Variants in TRIM59 observed in about 807,000 individuals in gnomAD.
TRIM59 encodes the protein tripartite motif-containing protein 59.
TRIM59 carries 14 observed loss-of-function variants against 32.2 expected under a neutral mutation model. The observed-to-expected ratio is 0.43, with a 90% CI of 0.29 to 0.68. TRIM59 has a LOEUF of 0.68. TRIM59 is among the 30% of genes least tolerant of loss of function. The pLI, the probability that TRIM59 is intolerant of heterozygous loss-of-function variation, is 0.15. For missense variants in TRIM59, 471 were observed against 463.3 expected (o/e 1.02, Z -0.15); for synonymous variants, 163 against 155.1 (o/e 1.05, Z -0.38).
At chr3:160,447,175 G>T (rs960538600) in intron 2 of TRIM59, among the ~76,000 whole-genome samples, 1 of 151,674 alleles carries the variant, frequency 6.6e-6, no homozygotes, top group Non-Finnish European at 1.5e-5. Context: ...ATTTTCAAGC[G>T]TCTTGCCTAT....
Position 160,436,224 on chromosome 3 carries a change from TC to T in TRIM59, c.*1747del. On this transcript the variant is annotated 3_prime_UTR_variant, in exon 3 of 3. Coordinates refer to ENST00000309784, the MANE Select transcript of TRIM59 (RefSeq NM_173084.3). The stretch of plus-strand genomic sequence containing the variant: ...AGCAGGTAAGAGTTTTAGAACTAGT[TC>T]CCTGAAAAAGCTGTATTTATGATAG... The T allele has an allele frequency of 1.0e-6, 1 of 994,848 alleles. No individual in the cohort carries two copies. The allele number at this position is 994,848 out of a possible 1,614,324, so 61.6% of individuals were successfully genotyped here. A position where few individuals can be genotyped will look rare whatever the true frequency, so the allele number is the denominator to read the frequency against.
In TRIM59 at chr3:160,436,501, A is replaced by G; in HGVS notation, c.*1471T>C. On this transcript the variant is annotated 3_prime_UTR_variant, in exon 3 of 3. Transcript: ENST00000309784. Reference sequence around the variant, plus strand: ...TTGGCCCTCTTAAGCAAAGCTAATAAAAGATTAAGTTGTTGGGCCGGGCGT... The same window carrying G: ...TTGGCCCTCTTAAGCAAAGCTAATAGAAGATTAAGTTGTTGGGCCGGGCGT... 1.0e-6 allele frequency: 1 copy of G among 985,802 alleles called. No homozygotes were observed. The highest frequency in any genetic ancestry group is 1.2e-6 in the Non-Finnish European group (1 of 829,970). 61.1% of individuals were successfully genotyped at this position (985,802 alleles called of 1,614,324 possible). A position where few individuals can be genotyped will look rare whatever the true frequency, so the allele number is the denominator to read the frequency against.
chr3:160,443,181 A>G (rs529136252), intron 2 of TRIM59, among the ~76,000 whole-genome samples: 18 of 152,348 alleles, frequency 1.2e-4, no homozygotes, highest in Non-Finnish European at 2.6e-4. Flanking sequence ...TCAGAAACCA[A>G]TATGAAATTT....
intron 2 of TRIM59, 119 bp downstream of exon 2, chr3:160,448,607 T>C (rs1719658199): frequency 1.9e-6 from 1 of 527,130 alleles, no homozygotes; most frequent in African/African-American, 2.0e-5. Context: ...TGGAGTTTTA[T>C]ACACCGCCAA....
chr3:160,435,762 AT>A lies in TRIM59; in HGVS notation c.*2209del. On this transcript the variant is annotated 3_prime_UTR_variant, in exon 3 of 3. Coordinates refer to ENST00000309784, the MANE Select transcript of TRIM59 (RefSeq NM_173084.3). ...ACTTACGTTTTTAGCATTCTTACAG[AT>A]TACAAACCCTTACCAACATTAATCT... 5.3e-6 allele frequency: 2 copies of A among 379,686 alleles called. No homozygotes were observed. The highest frequency in any genetic ancestry group is 1.0e-5 in the Non-Finnish European group (2 of 194,906). 23.5% of individuals were successfully genotyped at this position (379,686 alleles called of 1,614,324 possible).
At position 160,437,312 on chromosome 3, in the gene TRIM59, CA is replaced by C; in HGVS notation, c.*659del. On this transcript the variant is annotated 3_prime_UTR_variant, in exon 3 of 3. Transcript: ENST00000309784. ...GAAACTGCAGTGAGTCATGACCAGA[CA>C]ACTACACTCCAGCCTGGGCAACAAG... The C allele has an allele frequency of 8.5e-6, 8 of 935,958 alleles. No individual in the cohort carries two copies. The highest frequency in any genetic ancestry group is 1.0e-5 in the Non-Finnish European group (8 of 785,014). The allele number at this position is 935,958 out of a possible 1,614,324, so 58.0% of individuals were successfully genotyped here.
rs1454544131 is a variant in TRIM59 at position 160,448,732 on chromosome 3, G to A, written c.-10C>T. 2 of 1,281,168 alleles carry A rather than the reference G, an allele frequency of 1.6e-6. No individual in the cohort carries two copies. The highest frequency in any genetic ancestry group is 4.6e-5 in the Admixed American group (2 of 43,124). The allele number at this position is 1,281,168 out of a possible 1,614,324, so 79.4% of individuals were successfully genotyped here. ...AATCTCCCAGATTACCTACTTTGTT[G>A]ATCTCGTGGTTTGGGGGCTGAATAC... On this transcript the variant is annotated 5_prime_UTR_variant, in exon 2 of 3. Coordinates refer to ENST00000309784, the MANE Select transcript of TRIM59 (RefSeq NM_173084.3).
At position 160,438,841 on chromosome 3, in the gene TRIM59, A is replaced by T; in HGVS notation, c.343T>A (p.Leu115Ile). ...ATGGTAAGGCAATGACCACAAACTAATTTTTTATCTAATAGACAGTAAACA... is the reference window on the plus strand; with the variant it reads ...ATGGTAAGGCAATGACCACAAACTATTTTTTTATCTAATAGACAGTAAACA... ...LNVYCLLDKK[L>I]VCGHCLTIGQ... is the part of the protein sequence containing the mutation. The change falls in exon 3 of 3, where the codon TTA becomes ATA. Residue 115 changes from leucine (L) to isoleucine (I), a missense_variant. Coordinates refer to ENST00000309784, the MANE Select transcript of TRIM59 (RefSeq NM_173084.3). 6.2e-7 allele frequency: 1 copy of T among 1,613,976 alleles called. No homozygotes were observed. The highest frequency in any genetic ancestry group is 2.2e-5 in the East Asian group (1 of 44,862).
rs116600988 is a variant in TRIM59 at position 160,443,621 on chromosome 3, G to A, written c.-3-4435C>T. Among the ~76,000 whole-genome samples the A allele has an allele frequency of 2.3e-3, 353 of 152,144 alleles. 3 individuals are homozygous for A. Among genetic ancestry groups the A allele is most frequent in the African/African-American group, 7.9e-3 (326 of 41,522 alleles). ...CCTAGGGAAGAGTCACTCTAGAAGA[G>A]GAAGAAAGATCCAAAAGACAGATCT... On this transcript the variant is annotated intron_variant, in intron 2 of 2. Transcript: ENST00000309784.
At chr3:160,449,599 C>T in intron 1 of TRIM59, 118 bp downstream of exon 1, 3 of 1,289,410 alleles carry the variant, frequency 2.3e-6, no homozygotes, top group Non-Finnish European at 3.0e-6. Context: ...CCACTCCCTC[C>T]ATCGTCGCGC....
rs184895248 is a variant in TRIM59 at position 160,437,221 on chromosome 3, G to A, written c.*751C>T. ...AATTTTTTTAATTAGCCAGGCATGG[G>A]GGTGTGTGCCTTGTCCCAGCTGCTC... On this transcript the variant is annotated 3_prime_UTR_variant, in exon 3 of 3. Coordinates refer to ENST00000309784, the MANE Select transcript of TRIM59 (RefSeq NM_173084.3). 5.5e-5 allele frequency: 30 copies of A among 547,120 alleles called. No homozygotes were observed. Among genetic ancestry groups the A allele is most frequent in the East Asian group, 1.5e-4 (1 of 6,836 alleles). The allele number at this position is 547,120 out of a possible 1,614,324, so 33.9% of individuals were successfully genotyped here. A position where few individuals can be genotyped will look rare whatever the true frequency, so the allele number is the denominator to read the frequency against.
At chr3:160,449,509 G>A in intron 1 of TRIM59, 7 of 1,211,270 alleles carry the variant, frequency 5.8e-6, no homozygotes, top group Non-Finnish European at 7.4e-6. Context: ...TCACAGGAAC[G>A]CAGCTCCACA....
rs764138572 is a variant in TRIM59 at position 160,438,148 on chromosome 3, G to A, written c.1036C>T (p.Leu346Phe). The change falls in exon 3 of 3, where the codon CTC becomes TTC. Residue 346 changes from leucine (L) to phenylalanine (F), a missense_variant. Transcript: ENST00000309784. The stretch of plus-strand genomic sequence containing the variant: ...GTTATGATGTGTTGGTTGAAAAAGA[G>A]TATCGACATCAGTATTACTGAAATT... The part of the protein sequence containing the change: ...TLISVILMSI[L>F]FFNQHIITFL... 7 of 1,611,648 alleles carry A rather than the reference G, an allele frequency of 4.3e-6. No individual in the cohort carries two copies.
At chr3:160,445,546 G>A (rs1209350337) in intron 2 of TRIM59, among the ~76,000 whole-genome samples, 3 of 152,058 alleles carry the variant, frequency 2.0e-5, no homozygotes, top group Admixed American at 2.0e-4. Flanking sequence ...GGCCGAGACA[G>A]GCGGACCACC....
chr3:160,448,577 C>G (rs953932609), intron 2 of TRIM59, 149 bp downstream of exon 2: 3 of 384,950 alleles, frequency 7.8e-6, no homozygotes, highest in Non-Finnish European at 1.4e-5. Flanking sequence ...CTTTATGCTC[C>G]GCTCCTTCGA....
chr3:160,437,624 A>C lies in TRIM59; in HGVS notation c.*348T>G, dbSNP rs1006332530. On this transcript the variant is annotated 3_prime_UTR_variant, in exon 3 of 3. Coordinates refer to ENST00000309784, the MANE Select transcript of TRIM59 (RefSeq NM_173084.3). ...CTTTCAGGATTTTGCTATATATATA[A>C]AGAACTGTAAAGCCAATTAACTGCA... 6.0e-6 allele frequency: 6 copies of C among 992,590 alleles called. No individual in the cohort carries two copies. The African/African-American group carries it at 1.0e-4, about 17-fold the overall frequency. The allele number at this position is 992,590 out of a possible 1,614,324, so 61.5% of individuals were successfully genotyped here.
rs1445267391 is a variant in TRIM59 at position 160,435,643 on chromosome 3, A to T, written c.*2329T>A. 5.4e-6 allele frequency: 1 copy of T among 183,940 alleles called. No individual in the cohort carries two copies. The highest frequency in any genetic ancestry group is 1.2e-5 in the Non-Finnish European group (1 of 86,146). The allele number at this position is 183,940 out of a possible 1,614,324, so 11.4% of individuals were successfully genotyped here. A position where few individuals can be genotyped will look rare whatever the true frequency, so the allele number is the denominator to read the frequency against. On this transcript the variant is annotated 3_prime_UTR_variant, in exon 3 of 3. Transcript: ENST00000309784. ...ACAGCAGCATAAGAACCAGTTACTC[A>T]TATACTCAACTATATTCATGCATAC...
At chr3:160,442,720 G>C (rs1719320440) in intron 2 of TRIM59, among the ~76,000 whole-genome samples, 2 of 152,104 alleles carry the variant, frequency 1.3e-5, no homozygotes, top group African/African-American at 2.4e-5. Flanking sequence ...CTGATTTATT[G>C]ATTAAAAACT....
Position 160,436,067 on chromosome 3 carries a change from G to A in TRIM59, c.*1905C>T. 8.6e-7 allele frequency: 1 copy of A among 1,169,172 alleles called. No individual in the cohort carries two copies. Among genetic ancestry groups the A allele is most frequent in the South Asian group, 1.7e-5 (1 of 59,068 alleles). The allele number at this position is 1,169,172 out of a possible 1,614,324, so 72.4% of individuals were successfully genotyped here. A position where few individuals can be genotyped will look rare whatever the true frequency, so the allele number is the denominator to read the frequency against. ...AGTATTTTTATCTCTAGCTGAGTAT[G>A]TGTCTCTCCTTACCTCTACTATGCC... On this transcript the variant is annotated 3_prime_UTR_variant, in exon 3 of 3. Transcript: ENST00000309784.
Sources: gnomAD v4.1 joint callset for allele counts (sites outside exome capture counted in the v4.1 genomes callset) on GRCh38, gnomAD v4.1.1 for gene constraint, MANE v1.5 for transcripts, NCBI Gene and HGNC (gene_info 2026-07-23, HGNC 2026-07-21) for gene names.